Variants in PRDX3 observed in about 807,000 individuals in gnomAD.
The protein encoded by PRDX3 is thioredoxin-dependent peroxide reductase, mitochondrial.
PRDX3 carries 20 observed loss-of-function variants against 30.4 expected under a neutral mutation model. The ratio of observed to expected loss-of-function variants is 0.66; its 90% CI spans 0.46 to 0.96. The LOEUF is 0.96. PRDX3 is among the 40% of genes least tolerant of loss of function. PRDX3 has a pLI of 0.00. For missense variants in PRDX3, 322 were observed against 318.3 expected (o/e 1.01, Z -0.09); for synonymous variants, 124 against 117.8 (o/e 1.05, Z -0.34).
At chr10:119,168,883 C>G (rs1480720281) in intron 6 of PRDX3, among the ~76,000 whole-genome samples, 6 of 148,392 alleles carry the variant, frequency 4.0e-5, no homozygotes, top group Non-Finnish European at 8.9e-5. Context: ...TGAGGCAGGA[C>G]AATGGCGTGA....
At chr10:119,177,291 T>TTC (rs1564839994) in intron 1 of PRDX3, 138 bp from the exon 2 acceptor site, 3 of 796,074 alleles carry the variant, frequency 3.8e-6, no homozygotes, top group Middle Eastern at 7.4e-4. Context: ...AGAGCATGGA[T>TTC]TGGATCTGCA....
chr10:119,176,830 G>A (rs960678681), intron 2 of PRDX3, among the ~76,000 whole-genome samples, 191 bp downstream of exon 2: 2 of 152,192 alleles, frequency 1.3e-5, no homozygotes, highest in African/African-American at 2.4e-5. Context: ...CTGGCTGCAC[G>A]TTAGAATCAC....
intron 5 of PRDX3, 42 bp downstream of exon 5, chr10:119,172,340 A>G: frequency 1.3e-6 from 2 of 1,486,262 alleles, no homozygotes; most frequent in Non-Finnish European, 1.9e-6. Flanking sequence ...ATGATACTAA[A>G]CATGAAAAAT....
rs753794339 is a variant in PRDX3, at chr10:119,169,266, C to T, written c.628G>A (p.Glu210Lys). ...VNDLPVGRSVEETLRLVKAFQ... is the reference protein window; with the variant it reads ...VNDLPVGRSVKETLRLVKAFQ... ...GCCTTCACCAAGCGGAGGGTTTCTT[C>T]CACGCTTCGGCCCACTGGGAGATCG... The change falls in exon 6 of 7, where the codon GAA becomes AAA. Residue 210 changes from glutamate to lysine, a missense_variant. Glu to Lys is a moderately conservative substitution (Grantham distance 56, BLOSUM62 1). Transcript: ENST00000298510. 6.2e-7 allele frequency: 1 copy of T among 1,613,888 alleles called. No homozygotes were observed.
At chr10:119,177,324 T>C (rs750994099) in intron 1 of PRDX3, among the ~76,000 whole-genome samples, 171 bp from the exon 2 acceptor site, 1 of 152,180 alleles carries the variant, frequency 6.6e-6, no homozygotes, top group African/African-American at 2.4e-5. Context: ...TCCCTTCTGC[T>C]TCCTTCTCCT....
chr10:119,177,080 C>G lies in PRDX3; in HGVS notation c.110G>C (p.Arg37Thr). 1 of 1,614,104 alleles carries G rather than the reference C, an allele frequency of 6.2e-7. No individual in the cohort carries two copies. The highest frequency in any genetic ancestry group is 8.5e-7 in the Non-Finnish European group (1 of 1,179,956). The change falls in exon 2 of 7, where the codon AGA (arginine) becomes ACA (threonine). Residue 37 changes from arginine (R) to threonine (T), a missense_variant. Transcript: ENST00000298510. ...TAALRPAACG[R>T]TSLTNLLCSG... The stretch of plus-strand genomic sequence containing the variant: ...ACACAATAAATTTGTCAAGCTCGTT[C>G]TTCCACATGCAGCAGGCCTGAGGGC...
In PRDX3 at chr10:119,177,070, C is replaced by A; in HGVS notation, c.120G>T (p.Leu40Phe). Residue 40 changes from leucine (L) to phenylalanine (F), a missense_variant, in exon 2 of 7, where the codon TTG (leucine) becomes TTT (phenylalanine). Transcript: ENST00000298510. ...LRPAACGRTSLTNLLCSGSSQ... is the reference protein window; with the variant it reads ...LRPAACGRTSFTNLLCSGSSQ... ...TGGAACCAGAACACAATAAATTTGT[C>A]AAGCTCGTTCTTCCACATGCAGCAG... The A allele has an allele frequency of 1.2e-6, 2 of 1,614,092 alleles. No homozygotes were observed. The highest frequency in any genetic ancestry group is 1.7e-6 in the Non-Finnish European group (2 of 1,179,954).
chr10:119,178,606 C>A, intron 1 of PRDX3, 149 bp downstream of exon 1: 1 of 1,013,944 alleles, frequency 9.9e-7, no homozygotes. Context: ...GGAACCTTCC[C>A]GGAGGGAGGC....
rs1454106809 is a variant in PRDX3, at chr10:119,167,934, A to G, written c.*546T>C. The G allele has an allele frequency of 6.5e-6, 1 of 152,902 alleles. No individual in the cohort carries two copies. The highest frequency in any genetic ancestry group is 2.4e-5 in the African/African-American group (1 of 41,470). 9.5% of individuals were successfully genotyped at this position (152,902 alleles called of 1,614,324 possible). On this transcript the variant is annotated 3_prime_UTR_variant, in exon 7 of 7. Coordinates refer to ENST00000298510, the MANE Select transcript of PRDX3 (RefSeq NM_006793.5). ...CAATTTCAGGGATGAGGGATCATGC[A>G]TGATCAGTTAAGTCACTCTGCCACT...
intron 4 of PRDX3, among the ~76,000 whole-genome samples, chr10:119,173,408 G>A (rs527854434): frequency 1.3e-5 from 2 of 152,204 alleles, no homozygotes; most frequent in South Asian, 2.1e-4. Flanking sequence ...TCAGGAGTTC[G>A]AGACCAGCGT....
At chr10:119,170,205 T>C (rs1247636801) in intron 5 of PRDX3, 2 of 152,178 alleles carry the variant, frequency 1.3e-5, no homozygotes, top group African/African-American at 4.8e-5. Context: ...GATGTGGAAA[T>C]TTCAGGTATC....
chr10:119,169,567 C>G, intron 5 of PRDX3: 1 of 429,152 alleles, frequency 2.3e-6, no homozygotes, highest in Non-Finnish European at 4.2e-6. Flanking sequence ...ATAAAACATG[C>G]AGTATGGTCA....
intron 2 of PRDX3, 144 bp from the exon 3 acceptor site, chr10:119,174,736 A>ACAGT: frequency 1.3e-6 from 1 of 797,982 alleles, no homozygotes; most frequent in Non-Finnish European, 1.9e-6. Context: ...CATCTTAGGC[A>ACAGT]CAGTCATCCT....
chr10:119,177,401 T>A (rs557850650), intron 1 of PRDX3, among the ~76,000 whole-genome samples: 6 of 152,270 alleles, frequency 3.9e-5, no homozygotes, highest in African/African-American at 1.4e-4. Context: ...TGCTCACACC[T>A]GTAATCCCAG....
chr10:119,172,197 T>C (rs1020812152), intron 5 of PRDX3, among the ~76,000 whole-genome samples, 185 bp downstream of exon 5: 1 of 152,182 alleles, frequency 6.6e-6, no homozygotes, highest in Non-Finnish European at 1.5e-5. Context: ...CTTGAACTTC[T>C]GAACTCAAGT....
chr10:119,177,510 T>C (rs967600048), intron 1 of PRDX3, among the ~76,000 whole-genome samples: 2 of 148,338 alleles, frequency 1.3e-5, no homozygotes, highest in African/African-American at 2.6e-5. Flanking sequence ...ACACAAAACT[T>C]AGCCAGGCGG....
intron 2 of PRDX3, among the ~76,000 whole-genome samples, chr10:119,175,452 G>A (rs938603899): frequency 1.3e-5 from 2 of 152,204 alleles, no homozygotes; most frequent in African/African-American, 4.8e-5. Context: ...CTGGAGTGCA[G>A]TGGCACAATC....
intron 1 of PRDX3, 42 bp from the exon 2 acceptor site, chr10:119,177,195 G>C (rs1398558357): frequency 1.9e-6 from 3 of 1,604,866 alleles, no homozygotes; most frequent in Admixed American, 3.3e-5. Context: ...TCCTGGACTG[G>C]TGACTGAAGG....
intron 1 of PRDX3, among the ~76,000 whole-genome samples, chr10:119,177,437 A>T (rs1253414412): frequency 1.3e-5 from 2 of 152,138 alleles, no homozygotes; most frequent in African/African-American, 4.8e-5. Context: ...AGACGGGTTG[A>T]TCACCAGGTC....
Sources: gnomAD v4.1 joint callset for allele counts (sites outside exome capture counted in the v4.1 genomes callset) on GRCh38, gnomAD v4.1.1 for gene constraint, MANE v1.5 for transcripts, NCBI Gene and HGNC (gene_info 2026-07-23, HGNC 2026-07-21) for gene names.